RBPMS: variants seen among roughly 807,000 people sequenced by gnomAD.
RBPMS encodes the protein RNA-binding protein with multiple splicing.
In RBPMS, 7 loss-of-function variants were observed where a neutral mutation model predicts 26.8. That is an observed-to-expected ratio of 0.26 (90% confidence interval 0.15 to 0.49). The LOEUF is 0.49. Ranked by LOEUF, RBPMS falls within the 20% of genes least tolerant of loss-of-function variation. The pLI is 0.98. For synonymous variants in RBPMS, 96 were observed against 93.3 expected (o/e 1.03, Z -0.17); for missense variants, 186 against 250.0 (o/e 0.74, Z 1.73).
intron 5 of RBPMS, among the ~76,000 whole-genome samples, chr8:30,508,352 C>T (rs537710414): frequency 7.2e-5 from 11 of 152,320 alleles, no homozygotes; most frequent in Admixed American, 6.5e-5. Flanking sequence ...AAATACAATA[C>T]ATCAAGTGAT....
intron 8 of RBPMS, among the ~76,000 whole-genome samples, chr8:30,569,605 G>A (rs1014176972): frequency 6.6e-6 from 1 of 152,198 alleles, no homozygotes; most frequent in African/African-American, 2.4e-5. Context: ...ATGAGCAGGG[G>A]TGGAGAGTGA....
chr8:30,481,181 G>A (rs548625004), intron 4 of RBPMS, among the ~76,000 whole-genome samples: 2 of 152,296 alleles, frequency 1.3e-5, no homozygotes, highest in African/African-American at 4.8e-5. Flanking sequence ...AGGCTGGTTG[G>A]TCTCCAGCTC....
At chr8:30,496,619 A>G (rs1251160088) in intron 4 of RBPMS, among the ~76,000 whole-genome samples, 4 of 152,222 alleles carry the variant, frequency 2.6e-5, no homozygotes, top group Non-Finnish European at 4.4e-5. Context: ...ATTACTTATC[A>G]GAGAACCTGA....
intron 1 of RBPMS, among the ~76,000 whole-genome samples, chr8:30,473,213 A>G (rs1041466769): frequency 6.6e-6 from 1 of 152,118 alleles, no homozygotes; most frequent in Non-Finnish European, 1.5e-5. Context: ...TTCCCCAAGA[A>G]TGTTTTCTTC....
At chr8:30,529,402 T>TGA (rs1823955723) in intron 5 of RBPMS, among the ~76,000 whole-genome samples, 1 of 151,986 alleles carries the variant, frequency 6.6e-6, no homozygotes, top group South Asian at 2.1e-4. Context: ...CTCGGGAGAC[T>TGA]GAGGCAGGAG....
rs145437607 is a variant in RBPMS at position 30,483,391 on chromosome 8, C to A, written c.246+4014C>A. Among the ~76,000 whole-genome samples the A allele has an allele frequency of 2.1e-4, 32 of 152,234 alleles. No homozygotes were observed. In the East Asian group the frequency reaches 5.8e-3, roughly 28 times the overall value. On this transcript the variant is annotated intron_variant, in intron 4 of 8. Coordinates refer to ENST00000397323, the MANE Select transcript of RBPMS (RefSeq NM_001008710.3). The stretch of plus-strand genomic sequence containing the variant: ...TCTGTACATCACTACAAATTGCCTT[C>A]CCAACCAAAATTGCTTAGGCTAGTG...
intron 1 of RBPMS, among the ~76,000 whole-genome samples, chr8:30,429,487 A>G (rs1811700663): frequency 6.6e-6 from 1 of 152,256 alleles, no homozygotes. Context: ...TGACAGTGTT[A>G]GAAGCCTCAA....
At chr8:30,415,559 C>T (rs555326795) in intron 1 of RBPMS, among the ~76,000 whole-genome samples, 26 of 152,302 alleles carry the variant, frequency 1.7e-4, no homozygotes, top group African/African-American at 6.3e-4. Context: ...TTCATCTATC[C>T]AGTAAGCATT....
At chr8:30,437,971 A>G (rs1466642132) in intron 1 of RBPMS, among the ~76,000 whole-genome samples, 1 of 152,198 alleles carries the variant, frequency 6.6e-6, no homozygotes, top group East Asian at 1.9e-4. Context: ...AAAAAGAAAA[A>G]AAAAAAGTTG....
chr8:30,445,660 A>ATATATATATATATATATATATG (rs1813665744), intron 1 of RBPMS, among the ~76,000 whole-genome samples: 1 of 141,200 alleles, frequency 7.1e-6, no homozygotes, highest in African/African-American at 2.7e-5. Context: ...ATATATATAT[A>ATATATATATATATATATATATG]TATATATATA....
chr8:30,458,963 CT>C (rs1243285803), intron 1 of RBPMS, among the ~76,000 whole-genome samples: 4,006 of 134,012 alleles, frequency 0.03, 132 homozygotes, highest in African/African-American at 0.087. Context: ...AGCATGTTGG[CT>C]TTTTTTTTTT....
chr8:30,499,596 C>G (rs1563378835), intron 4 of RBPMS, among the ~76,000 whole-genome samples: 1 of 151,168 alleles, frequency 6.6e-6, no homozygotes, highest in Non-Finnish European at 1.5e-5. Flanking sequence ...TAACCTGAAT[C>G]TAAACCAAAA....
chr8:30,476,472 G>C (rs969415145), intron 2 of RBPMS, among the ~76,000 whole-genome samples: 6 of 152,194 alleles, frequency 3.9e-5, no homozygotes, highest in Admixed American at 3.3e-4. Context: ...GGAAGAGGCA[G>C]AGCTGTGAAT....
At chr8:30,489,647 G>A (rs181616108) in intron 4 of RBPMS, among the ~76,000 whole-genome samples, 2 of 151,670 alleles carry the variant, frequency 1.3e-5, no homozygotes, top group Non-Finnish European at 2.9e-5. Context: ...GTTTCACCCC[G>A]TTGGTCAGGC....
At chr8:30,477,636 T>C (rs1817840304) in intron 2 of RBPMS, among the ~76,000 whole-genome samples, 163 bp from the exon 3 acceptor site, 1 of 152,074 alleles carries the variant, frequency 6.6e-6, no homozygotes, top group Non-Finnish European at 1.5e-5. Flanking sequence ...GGTGTGTGTG[T>C]GTGTGTGCAC....
At chr8:30,504,163 TGA>T in intron 4 of RBPMS, 121 bp from the exon 5 acceptor site, 1 of 918,526 alleles carries the variant, frequency 1.1e-6, no homozygotes, top group Non-Finnish European at 1.7e-6. Flanking sequence ...GTAGTAAGAA[TGA>T]GAGTGGTTGC....
chr8:30,511,458 TA>T (rs1821586415), intron 5 of RBPMS, among the ~76,000 whole-genome samples: 1 of 80,752 alleles, frequency 1.2e-5, no homozygotes, highest in Non-Finnish European at 2.4e-5. Flanking sequence ...CCCATCTCTT[TA>T]AAACAAAAAA....
intron 6 of RBPMS, among the ~76,000 whole-genome samples, chr8:30,551,734 C>A (rs547818635): frequency 6.6e-6 from 1 of 152,262 alleles, no homozygotes; most frequent in African/African-American, 2.4e-5. Context: ...TGCTGCTGAG[C>A]GCCTGGCACC....
intron 1 of RBPMS, among the ~76,000 whole-genome samples, chr8:30,447,950 CAGG>C (rs1038958046): frequency 1.8e-4 from 27 of 152,130 alleles, no homozygotes; most frequent in African/African-American, 5.1e-4. Flanking sequence ...CTGATACAAA[CAGG>C]AGATTTCTAA....
Sources: allele counts gnomAD v4.1 joint callset (sites outside exome capture counted in the v4.1 genomes callset), GRCh38; gene constraint gnomAD v4.1.1; transcripts MANE v1.5; gene names NCBI Gene and HGNC (gene_info 2026-07-23, HGNC 2026-07-21).